SPMIP2: variants seen among roughly 807,000 people sequenced by gnomAD.
SPMIP2 encodes the protein protein SPMIP2.
chr4:159,051,124 A>T, the SPMIP2 span, among the ~76,000 whole-genome samples: 1 of 152,092 alleles, frequency 6.6e-6, no homozygotes, highest in Non-Finnish European at 1.5e-5. Flanking sequence ...AAAAAAAAAA[A>T]AATCTTAAAG....
chr4:159,035,393 C>A, the SPMIP2 span, among the ~76,000 whole-genome samples: 7 of 152,168 alleles, frequency 4.6e-5, no homozygotes, highest in Admixed American at 4.6e-4. Flanking sequence ...TTCACAGGTA[C>A]TAGATCCAGT....
chr4:158,980,891 G>T, the SPMIP2 span, among the ~76,000 whole-genome samples: 1 of 152,136 alleles, frequency 6.6e-6, no homozygotes, highest in Non-Finnish European at 1.5e-5. Context: ...GCCTCAAAGG[G>T]TGAGTAATAA....
At chr4:159,068,692 A>T in the SPMIP2 span, among the ~76,000 whole-genome samples, 2 of 151,390 alleles carry the variant, frequency 1.3e-5, no homozygotes, top group African/African-American at 2.4e-5. Flanking sequence ...AATAAAAAAT[A>T]AAAAAATAAA....
the SPMIP2 span, among the ~76,000 whole-genome samples, chr4:158,975,947 C>T: frequency 6.6e-6 from 1 of 152,100 alleles, no homozygotes; most frequent in African/African-American, 2.4e-5. Context: ...AATGTTTTTC[C>T]ATTTGCTTGT....
chr4:158,933,735 G>T, the SPMIP2 span, among the ~76,000 whole-genome samples: 1 of 151,528 alleles, frequency 6.6e-6, no homozygotes, highest in South Asian at 2.1e-4. Flanking sequence ...TCTTTTGGAA[G>T]AATCTTTTAT....
the SPMIP2 span, among the ~76,000 whole-genome samples, chr4:159,048,211 G>C: frequency 6.6e-6 from 1 of 152,126 alleles, no homozygotes; most frequent in South Asian, 2.1e-4. Flanking sequence ...ATAATTGACC[G>C]TTTTGTGTAA....
the SPMIP2 span, among the ~76,000 whole-genome samples, chr4:158,961,574 C>T: frequency 3.9e-5 from 6 of 152,150 alleles, no homozygotes; most frequent in East Asian, 9.6e-4. Flanking sequence ...ATTTTATTAT[C>T]AGCTTATCCA....
chr4:159,060,822 C>T, the SPMIP2 span, among the ~76,000 whole-genome samples: 2 of 152,084 alleles, frequency 1.3e-5, no homozygotes, highest in Non-Finnish European at 2.9e-5. Context: ...CCGTGGCTCC[C>T]GCCTATAGTG....
the SPMIP2 span, among the ~76,000 whole-genome samples, chr4:159,058,221 T>C: frequency 1.3e-5 from 2 of 150,984 alleles, no homozygotes; most frequent in Non-Finnish European, 3.0e-5. Flanking sequence ...TTGTTACGGT[T>C]GTTTTGAACA....
At chr4:159,042,801 T>C in the SPMIP2 span, among the ~76,000 whole-genome samples, 1 of 152,112 alleles carries the variant, frequency 6.6e-6, no homozygotes, top group African/African-American at 2.4e-5. Context: ...TAGCTGGGAC[T>C]ACAGGCATGC....
At chr4:158,927,561 C>T in the SPMIP2 span, among the ~76,000 whole-genome samples, 4 of 152,196 alleles carry the variant, frequency 2.6e-5, no homozygotes, top group South Asian at 6.2e-4. Flanking sequence ...AGCCCTCCCT[C>T]GCTCTCGGCG....
the SPMIP2 span, among the ~76,000 whole-genome samples, chr4:159,040,566 G>C: frequency 6.6e-6 from 1 of 150,394 alleles, no homozygotes; most frequent in African/African-American, 2.4e-5. Context: ...CCTGGGGTTA[G>C]GAGATCCTCC....
chr4:159,073,688 T>C, the SPMIP2 span, among the ~76,000 whole-genome samples: 1 of 152,022 alleles, frequency 6.6e-6, no homozygotes, highest in African/African-American at 2.4e-5. Context: ...TAGAAATATG[T>C]CCAAAATACG....
At chr4:158,961,850 G>A in the SPMIP2 span, among the ~76,000 whole-genome samples, 1 of 151,770 alleles carries the variant, frequency 6.6e-6, no homozygotes, top group African/African-American at 2.4e-5. Context: ...TATGTTTACT[G>A]TAGTGTTAAA....
chr4:159,053,537 T>C, the SPMIP2 span, among the ~76,000 whole-genome samples: 1 of 152,174 alleles, frequency 6.6e-6, no homozygotes, highest in Admixed American at 6.5e-5. Flanking sequence ...ATTTTAGGTC[T>C]CTTCCAGGAT....
chr4:159,080,747 G>C, the SPMIP2 span, among the ~76,000 whole-genome samples: 1 of 151,958 alleles, frequency 6.6e-6, no homozygotes, highest in Non-Finnish European at 1.5e-5. Flanking sequence ...TTGTTTGTTT[G>C]TTTGTTTGAG....
the SPMIP2 span, among the ~76,000 whole-genome samples, chr4:159,008,948 C>T: frequency 0.3 from 44,944 of 152,040 alleles, 7,084 homozygotes; most frequent in South Asian, 0.44. Context: ...ATTAGACATT[C>T]GATCATCCAA....
chr4:159,064,105 G>A, the SPMIP2 span, among the ~76,000 whole-genome samples: 5 of 152,142 alleles, frequency 3.3e-5, no homozygotes, highest in Non-Finnish European at 5.9e-5. Context: ...CAGCTACTCA[G>A]GAGGCTGAGG....
the SPMIP2 span, among the ~76,000 whole-genome samples, chr4:159,063,356 C>G: frequency 1.3e-5 from 2 of 152,040 alleles, no homozygotes; most frequent in South Asian, 2.1e-4. Flanking sequence ...CTCAGGAGTT[C>G]GAGACCAGCA....
Sources: allele counts gnomAD v4.1 joint callset (sites outside exome capture counted in the v4.1 genomes callset), GRCh38; gene constraint gnomAD v4.1.1; transcripts MANE v1.5; gene names NCBI Gene and HGNC (gene_info 2026-07-23, HGNC 2026-07-21).